Variants in PCDH11X observed in about 807,000 individuals in gnomAD.
PCDH11X encodes the protein protocadherin 11 X-linked.
Under a neutral mutation model 53.3 loss-of-function variants are expected in PCDH11X, and 18 were observed. That is an observed-to-expected ratio of 0.34 (90% CI 0.23 to 0.50). The LOEUF is 0.50. Among genes scored for constraint, PCDH11X ranks in the 20% least tolerant of loss-of-function variants. The probability of loss-of-function intolerance (pLI) is 0.98; values close to 1 mark genes in which losing one functional copy is unlikely to be tolerated. For synonymous variants in PCDH11X, 279 were observed against 393.3 expected (o/e 0.71, Z 3.44); for missense variants, 570 against 1,032.4 (o/e 0.55, Z 6.14).
chrX:91,882,770 T>C (rs1221277893), intron 6 of PCDH11X: 1 of 950,355 alleles, frequency 1.1e-6, no homozygotes, highest in Non-Finnish European at 1.4e-6. Context: ...TGGTATTCAC[T>C]ATTGTAAAAT....
chrX:92,277,522 G>A (rs74543318), intron 8 of PCDH11X, among the ~76,000 whole-genome samples: 1 of 108,535 alleles, frequency 9.2e-6, no homozygotes, highest in East Asian at 2.9e-4. Flanking sequence ...AGCGAAGGAA[G>A]CAAGCCTAGA....
At chrX:92,048,997 C>A (rs1177683471) in intron 6 of PCDH11X, among the ~76,000 whole-genome samples, 1 of 111,839 alleles carries the variant, frequency 8.9e-6, no homozygotes, top group Non-Finnish European at 1.9e-5. Flanking sequence ...TTGAGTTTAT[C>A]TGAAGACCTG....
chrX:92,408,489 T>A (rs2071571699), intron 9 of PCDH11X, among the ~76,000 whole-genome samples: 2 of 110,658 alleles, frequency 1.8e-5, no homozygotes, highest in Middle Eastern at 9.3e-3. Flanking sequence ...AATGTCAGTG[T>A]TTGCCAAAGT....
chrX:92,578,585 CT>C (rs765145667), intron 10 of PCDH11X, among the ~76,000 whole-genome samples: 1 of 108,440 alleles, frequency 9.2e-6, no homozygotes, highest in African/African-American at 3.4e-5. Flanking sequence ...CTTTTTTCTG[CT>C]TTCTATTTGC....
At chrX:92,197,345 C>A (rs1188557478) in intron 6 of PCDH11X, among the ~76,000 whole-genome samples, 1 of 111,678 alleles carries the variant, frequency 9.0e-6, no homozygotes, top group Non-Finnish European at 1.9e-5. Context: ...ATTATATTCA[C>A]TGCAATTAGA....
intron 9 of PCDH11X, among the ~76,000 whole-genome samples, chrX:92,434,255 G>T (rs932115986): frequency 1.8e-5 from 2 of 108,905 alleles, no homozygotes; most frequent in African/African-American, 6.8e-5. Context: ...TTAACAAAAA[G>T]AAGCTTAATG....
intron 5 of PCDH11X, among the ~76,000 whole-genome samples, chrX:91,873,575 A>AT: frequency 9.0e-6 from 1 of 110,937 alleles, no homozygotes; most frequent in East Asian, 2.8e-4. Flanking sequence ...CTGATCTTGG[A>AT]TTTTTCATCT....
rs147876810 is a variant in PCDH11X at position 92,177,653 on chromosome X, T to C, written c.3034-23722T>C. Reference sequence around the variant, plus strand: ...GAAACATGTGCAAACCTAATAGTCATTTTGTGAGTTAAATCTGTGAATTTT... The same window carrying C: ...GAAACATGTGCAAACCTAATAGTCACTTTGTGAGTTAAATCTGTGAATTTT... On this transcript the variant is annotated intron_variant, in intron 6 of 10. Transcript: ENST00000682573. Among the ~76,000 whole-genome samples the C allele has an allele frequency of 9.3e-3, 1,038 of 111,673 alleles. 14 individuals are homozygous for C. Among genetic ancestry groups the C allele is most frequent in the African/African-American group, 0.032 (987 of 30,780 alleles).
intron 1 of PCDH11X, among the ~76,000 whole-genome samples, chrX:91,808,267 C>A (rs1447133108): frequency 9.4e-6 from 1 of 106,081 alleles, no homozygotes; most frequent in Non-Finnish European, 1.9e-5. Flanking sequence ...GAGGCCAAGG[C>A]GGGCAAATCA....
intron 9 of PCDH11X, among the ~76,000 whole-genome samples, chrX:92,413,934 G>C: frequency 9.3e-6 from 1 of 107,136 alleles, no homozygotes; most frequent in Non-Finnish European, 1.9e-5. Context: ...GACATTAAAA[G>C]ATGAAGTAGA....
In PCDH11X at chrX:92,222,590, A is replaced by G. The variant is rs777440393; in HGVS notation, c.3114+21135A>G. Among the ~76,000 whole-genome samples, 6 of 111,897 alleles carry G rather than the reference A, an allele frequency of 5.4e-5. No individual in the cohort carries two copies. The East Asian group carries it at 1.4e-3, about 26-fold the overall frequency. On this transcript the variant is annotated intron_variant, in intron 7 of 10. Transcript: ENST00000682573. ...AAGTTGTTGGAAATACGATAGGACA[A>G]CTGAAGACGTTCCAACTTTCCACTC...
chrX:92,368,278 A>G (rs1377320775), intron 8 of PCDH11X, among the ~76,000 whole-genome samples: 1 of 111,263 alleles, frequency 9.0e-6, no homozygotes, highest in Non-Finnish European at 1.9e-5. Context: ...CTTCCACTTT[A>G]TCAGCTTGGC....
intron 10 of PCDH11X, among the ~76,000 whole-genome samples, chrX:92,540,358 C>T (rs183953765): frequency 0.011 from 1,199 of 108,893 alleles, 22 homozygotes; most frequent in African/African-American, 0.039. Flanking sequence ...GCCCATAAGG[C>T]GTTCTGCCAC....
chrX:92,606,183 G>A (rs1476225450), intron 10 of PCDH11X, among the ~76,000 whole-genome samples: 2 of 80,414 alleles, frequency 2.5e-5, no homozygotes, highest in Non-Finnish European at 4.4e-5. Flanking sequence ...GTGAGCCGGA[G>A]ATCGTGCCAT....
At chrX:91,915,964 T>A (rs5942094) in intron 6 of PCDH11X, among the ~76,000 whole-genome samples, 42,412 of 107,963 alleles carry the variant, frequency 0.39, 6,324 homozygotes, top group East Asian at 0.62. Context: ...CTTAATAAAT[T>A]TAAGAAAAAA....
At chrX:91,848,208 T>C (rs977294139) in intron 5 of PCDH11X, among the ~76,000 whole-genome samples, 5 of 108,413 alleles carry the variant, frequency 4.6e-5, no homozygotes, top group Non-Finnish European at 9.6e-5. Flanking sequence ...TTTTTTGTTT[T>C]TTTTTTTTCT....
intron 9 of PCDH11X, among the ~76,000 whole-genome samples, chrX:92,438,241 T>C (rs752982845): frequency 8.9e-6 from 1 of 111,908 alleles, no homozygotes. Context: ...TTTTAAAAAT[T>C]GCATGTATAT....
Position 91,996,192 on chromosome X carries a change from G to A in PCDH11X, c.3033+116919G>A, listed in dbSNP as rs753754220. On this transcript the variant is annotated intron_variant, in intron 6 of 10. Coordinates refer to ENST00000682573, the MANE Select transcript of PCDH11X (RefSeq NM_032968.5). ...ACGGAGGTTCAGTCTCCTCACCCAG[G>A]CTGGAGTGCAATGGTGCAATCTCGG... is the stretch of plus-strand genomic sequence containing the variant. 4.3e-5 allele frequency among the ~76,000 whole-genome samples: 4 copies of A among 92,701 alleles called. No homozygotes were observed. The South Asian group carries it at 2.4e-3, about 55-fold the overall frequency. The allele number at this position is 92,701 out of a possible 115,157, so 80.5% of individuals were successfully genotyped here.
chrX:92,116,014 T>C (rs900952976), intron 6 of PCDH11X, among the ~76,000 whole-genome samples: 1 of 110,961 alleles, frequency 9.0e-6, no homozygotes, highest in Non-Finnish European at 1.9e-5. Flanking sequence ...AGTGGAATTA[T>C]ATTCTCAGAT....
Sources: allele counts gnomAD v4.1 joint callset (sites outside exome capture counted in the v4.1 genomes callset), GRCh38; gene constraint gnomAD v4.1.1; transcripts MANE v1.5; gene names NCBI Gene and HGNC (gene_info 2026-07-23, HGNC 2026-07-21).